Variants in NCKAP5 observed in about 807,000 individuals in gnomAD.
NCKAP5 encodes NCK associated protein 5.
Under a neutral mutation model 167.0 loss-of-function variants are expected in NCKAP5, and 92 were observed. The ratio of observed to expected loss-of-function variants is 0.55; its 90% CI spans 0.47 to 0.66. The LOEUF is 0.66. NCKAP5 is among the 30% of genes least tolerant of loss of function. NCKAP5 has a pLI of 0.00. For synonymous variants in NCKAP5, 891 were observed against 877.4 expected, an observed-to-expected ratio of 1.02 and a Z score of -0.27; for missense variants, 2,378 against 2,315.0, an observed-to-expected ratio of 1.03 and a Z score of -0.56.
intron 6 of NCKAP5, among the ~76,000 whole-genome samples, chr2:133,088,809 A>C (rs777652490): frequency 6.6e-6 from 1 of 152,230 alleles, no homozygotes; most frequent in Non-Finnish European, 1.5e-5. Flanking sequence ...TCTAGAATAT[A>C]GAATGAATTA....
At chr2:132,848,359 G>T (rs529838480) in intron 11 of NCKAP5, among the ~76,000 whole-genome samples, 1 of 152,170 alleles carries the variant, frequency 6.6e-6, no homozygotes, top group South Asian at 2.1e-4. Flanking sequence ...TGTTTTTATG[G>T]CAAATTCTGC....
intron 4 of NCKAP5, among the ~76,000 whole-genome samples, chr2:133,249,184 G>C (rs1316959526): frequency 6.6e-6 from 1 of 152,088 alleles, no homozygotes; most frequent in Non-Finnish European, 1.5e-5. Flanking sequence ...CTTTGCAGGT[G>C]TAACTAAGTT....
chr2:133,460,690 C>T (rs1391535863), intron 3 of NCKAP5, among the ~76,000 whole-genome samples: 1 of 152,108 alleles, frequency 6.6e-6, no homozygotes, highest in Admixed American at 6.6e-5. Flanking sequence ...ATTTTATTTT[C>T]TTCCTCTAAC....
chr2:133,130,162 A>G, intron 5 of NCKAP5, 51 bp from the exon 6 acceptor site: 2 of 1,564,390 alleles, frequency 1.3e-6, no homozygotes, highest in Non-Finnish European at 1.7e-6. Context: ...TATGACAAAA[A>G]TAAGAAATAG....
At chr2:132,997,865 T>C (rs904624132) in intron 6 of NCKAP5, among the ~76,000 whole-genome samples, 4 of 152,088 alleles carry the variant, frequency 2.6e-5, no homozygotes, top group Non-Finnish European at 5.9e-5. Context: ...TCAGAACCCA[T>C]TGCTAATACT....
At chr2:132,958,213 T>C (rs188487631) in intron 8 of NCKAP5, among the ~76,000 whole-genome samples, 216 of 152,250 alleles carry the variant, frequency 1.4e-3, no homozygotes, top group African/African-American at 4.7e-3. Context: ...GTTTGGGATA[T>C]ACTAAGCCTT....
the NCKAP5 span, among the ~76,000 whole-genome samples, chr2:133,604,746 A>G: frequency 1.3e-5 from 2 of 152,264 alleles, no homozygotes; most frequent in South Asian, 4.1e-4. Context: ...CACAGGGCTG[A>G]TGTGGGCATT....
intron 3 of NCKAP5, among the ~76,000 whole-genome samples, chr2:133,395,621 T>C (rs1172114605): frequency 6.6e-6 from 1 of 152,166 alleles, no homozygotes; most frequent in South Asian, 2.1e-4. Flanking sequence ...GCCCCAACTG[T>C]CACATACATA....
At chr2:133,213,570 T>C in intron 5 of NCKAP5, 146 bp downstream of exon 5, 1 of 732,180 alleles carries the variant, frequency 1.4e-6, no homozygotes, top group Non-Finnish European at 2.3e-6. Context: ...CTGTATAAAT[T>C]CTATTATAAA....
chr2:133,473,746 G>A (rs1197091204), intron 3 of NCKAP5, among the ~76,000 whole-genome samples: 4 of 152,052 alleles, frequency 2.6e-5, no homozygotes, highest in Non-Finnish European at 4.4e-5. Context: ...ATTACCCCTC[G>A]TTGTATATGC....
At chr2:132,950,677 T>C (rs985019387) in intron 8 of NCKAP5, among the ~76,000 whole-genome samples, 1 of 152,200 alleles carries the variant, frequency 6.6e-6, no homozygotes, top group African/African-American at 2.4e-5. Flanking sequence ...GAACCCATTT[T>C]ATCATACGAA....
intron 6 of NCKAP5, among the ~76,000 whole-genome samples, chr2:133,084,724 T>G (rs2080926747): frequency 6.6e-6 from 1 of 152,172 alleles, no homozygotes; most frequent in South Asian, 2.1e-4. Context: ...AGCCTCCTCT[T>G]TCAAGAGACT....
intron 6 of NCKAP5, among the ~76,000 whole-genome samples, chr2:133,051,215 T>C (rs966446521): frequency 2.6e-5 from 4 of 152,186 alleles, no homozygotes; most frequent in Non-Finnish European, 5.9e-5. Context: ...ACTGCTGATC[T>C]GGGGTTAAAC....
chr2:133,099,816 G>C (rs891229413), intron 6 of NCKAP5, among the ~76,000 whole-genome samples: 3 of 152,186 alleles, frequency 2.0e-5, no homozygotes, highest in African/African-American at 7.2e-5. Context: ...GGTTGGCCAA[G>C]TATGGCCTGC....
At chr2:133,248,513 C>T (rs2088125544) in intron 4 of NCKAP5, among the ~76,000 whole-genome samples, 1 of 152,208 alleles carries the variant, frequency 6.6e-6, no homozygotes, top group South Asian at 2.1e-4. Context: ...AGAGGAGGGC[C>T]TCTGGTCCAC....
chr2:132,910,404 C>T (rs879590614), intron 8 of NCKAP5, among the ~76,000 whole-genome samples: 33 of 152,098 alleles, frequency 2.2e-4, no homozygotes, highest in African/African-American at 6.3e-4. Context: ...CCATCTCCCC[C>T]GAGCACGCCC....
intron 4 of NCKAP5, among the ~76,000 whole-genome samples, chr2:133,222,452 G>A (rs1307171416): frequency 2.6e-5 from 4 of 152,106 alleles, no homozygotes; most frequent in Non-Finnish European, 4.4e-5. Context: ...ATGCTGCAAT[G>A]TCACATATGG....
intron 2 of NCKAP5, among the ~76,000 whole-genome samples, chr2:133,520,465 T>C (rs955478962): frequency 6.6e-6 from 1 of 152,198 alleles, no homozygotes. Context: ...GCATTGATAA[T>C]AGGACCTTCT....
intron 8 of NCKAP5, among the ~76,000 whole-genome samples, chr2:132,933,546 A>G (rs1304100551): frequency 6.6e-6 from 1 of 152,244 alleles, no homozygotes; most frequent in Non-Finnish European, 1.5e-5. Flanking sequence ...CGGATTGTTG[A>G]TAACTGCCTT....
Sources: allele counts gnomAD v4.1 joint callset (sites outside exome capture counted in the v4.1 genomes callset), GRCh38; gene constraint gnomAD v4.1.1; transcripts MANE v1.5; gene names NCBI Gene and HGNC (gene_info 2026-07-23, HGNC 2026-07-21).